The following RBFOX1 variants were observed in gnomAD, a reference collection of about 807,000 sequenced individuals.
RBFOX1 encodes the protein RNA binding protein fox-1 homolog 1.
RBFOX1 carries 8 observed loss-of-function variants against 57.7 expected under a neutral mutation model. The observed-to-expected ratio is 0.14, with a 90% CI of 0.08 to 0.25. The LOEUF is 0.25. RBFOX1 is among the 10% of genes least tolerant of loss of function. The probability of loss-of-function intolerance (pLI) is 1.00; values close to 1 mark genes in which losing one functional copy is unlikely to be tolerated. For missense variants in RBFOX1, 611 were observed against 548.5 expected, an observed-to-expected ratio of 1.11 and a Z score of -1.14; for synonymous variants, 326 against 222.4, an observed-to-expected ratio of 1.47 and a Z score of -4.15.
chr16:5,816,379 G>C (rs1371330991), intron 3 of RBFOX1, among the ~76,000 whole-genome samples: 1 of 152,154 alleles, frequency 6.6e-6, no homozygotes, highest in Non-Finnish European at 1.5e-5. Flanking sequence ...CCTCTCTACA[G>C]AAGTGACAAA....
chr16:6,478,748 T>C (rs557449801), intron 2 of RBFOX1, among the ~76,000 whole-genome samples: 4 of 152,116 alleles, frequency 2.6e-5, no homozygotes, highest in Admixed American at 2.6e-4. Flanking sequence ...GCAGGGGGAA[T>C]GGCCTGTCAG....
intron 4 of RBFOX1, among the ~76,000 whole-genome samples, chr16:7,318,476 C>T (rs536337764): frequency 6.6e-6 from 1 of 152,096 alleles, no homozygotes; most frequent in Non-Finnish European, 1.5e-5. Flanking sequence ...CTACCACTTA[C>T]CACCTTTGCA....
intron 4 of RBFOX1, among the ~76,000 whole-genome samples, chr16:7,168,284 T>G (rs932656296): frequency 2.0e-5 from 3 of 151,926 alleles, no homozygotes; most frequent in African/African-American, 7.2e-5. Context: ...TTTCTTCTTC[T>G]CAGCATGAAA....
At chr16:5,791,217 C>T in intron 3 of RBFOX1, among the ~76,000 whole-genome samples, 1 of 152,126 alleles carries the variant, frequency 6.6e-6, no homozygotes, top group East Asian at 1.9e-4. Flanking sequence ...TTAAATAGCA[C>T]ATACTTAAGT....
At chr16:6,393,602 C>T (rs906868059) in intron 2 of RBFOX1, among the ~76,000 whole-genome samples, 1 of 152,150 alleles carries the variant, frequency 6.6e-6, no homozygotes, top group African/African-American at 2.4e-5. Flanking sequence ...GGGTATCTCC[C>T]CTTTCTGAGA....
Position 5,349,776 on chromosome 16 carries a change from C to T in RBFOX1, c.219+109671C>T, listed in dbSNP as rs923153655. Among the ~76,000 whole-genome samples the T allele has an allele frequency of 3.3e-5, 5 of 152,194 alleles. No homozygotes were observed. The South Asian group carries it at 8.3e-4, about 25-fold the overall frequency. ...AAGCTGCTGCCATCCCTGCATTTGG[C>T]GGGGACCACAGGAGCCGGGCTGTGC... On this transcript the variant is annotated intron_variant, in intron 1 of 2. Transcript: ENST00000585867.
intron 1 of RBFOX1, among the ~76,000 whole-genome samples, chr16:6,213,364 G>A (rs1376819316): frequency 6.6e-6 from 1 of 151,978 alleles, no homozygotes; most frequent in Non-Finnish European, 1.5e-5. Flanking sequence ...GGCCTTCAGT[G>A]GGTAACAGAT....
chr16:6,753,152 TG>T (rs1340920262), intron 3 of RBFOX1, among the ~76,000 whole-genome samples: 1 of 152,180 alleles, frequency 6.6e-6, no homozygotes, highest in East Asian at 1.9e-4. Flanking sequence ...TAATGATGTG[TG>T]AAATTTACTT....
intron 4 of RBFOX1, among the ~76,000 whole-genome samples, chr16:7,470,922 A>T (rs1203198902): frequency 6.6e-6 from 1 of 151,752 alleles, no homozygotes; most frequent in Non-Finnish European, 1.5e-5. Flanking sequence ...TTTTTTTTTA[A>T]CCTAAAAATA....
intron 2 of RBFOX1, among the ~76,000 whole-genome samples, chr16:6,451,053 A>G (rs369379020): frequency 2.0e-5 from 3 of 150,466 alleles, no homozygotes; most frequent in Non-Finnish European, 4.4e-5. Flanking sequence ...CCACACCTCC[A>G]TATTTCTTCA....
In RBFOX1 at chr16:6,134,612, G is replaced by T. The variant is rs181239975; in HGVS notation, c.-127+114620G>T. 2.9e-3 allele frequency among the ~76,000 whole-genome samples: 443 copies of T among 152,146 alleles called. 3 individuals carry two copies. The highest frequency in any genetic ancestry group is 9.9e-3 in the African/African-American group (410 of 41,480). ...TATGGGCTGGGACAGGCAGTGAGGG[G>T]GTGAAGGAGACTAACCGTGAACTGT... On this transcript the variant is annotated intron_variant, in intron 1 of 15. Coordinates refer to ENST00000550418, the MANE Select transcript of RBFOX1 (RefSeq NM_018723.4).
At chr16:5,538,589 T>C (rs1423799261) in intron 2 of RBFOX1, among the ~76,000 whole-genome samples, 1 of 151,662 alleles carries the variant, frequency 6.6e-6, no homozygotes, top group Non-Finnish European at 1.5e-5. Flanking sequence ...CATAATGCTC[T>C]CTTCCTGGCC....
At chr16:6,204,804 T>C (rs2097242882) in intron 1 of RBFOX1, among the ~76,000 whole-genome samples, 2 of 152,142 alleles carry the variant, frequency 1.3e-5, no homozygotes. Flanking sequence ...ACGTTGTGTG[T>C]GTGTGCCTGC....
intron 4 of RBFOX1, among the ~76,000 whole-genome samples, chr16:7,123,127 C>G (rs1050788376): frequency 1.3e-5 from 2 of 151,938 alleles, no homozygotes; most frequent in Non-Finnish European, 2.9e-5. Flanking sequence ...ATTGCACAGC[C>G]GTTATAAGAA....
chr16:5,994,104 G>T (rs1424435325), intron 4 of RBFOX1, among the ~76,000 whole-genome samples: 2 of 152,164 alleles, frequency 1.3e-5, no homozygotes, highest in African/African-American at 4.8e-5. Flanking sequence ...GACTCTCTCT[G>T]TTCCTGTTTT....
Position 6,842,884 on chromosome 16 carries a change from A to C in RBFOX1, c.-16+188234A>C, listed in dbSNP as rs565663014. Among the ~76,000 whole-genome samples the C allele has an allele frequency of 2.0e-5, 3 of 151,926 alleles. No homozygotes were observed. The East Asian group carries it at 5.8e-4, about 30-fold the overall frequency. ...CCCCTCCCTGTGTCCATGTGTTCTC[A>C]TTGTTCAACTCCGACTTATGAGTGA... On this transcript the variant is annotated intron_variant, in intron 3 of 15. Transcript: ENST00000550418.
chr16:6,768,064 C>T lies in RBFOX1; in HGVS notation c.-16+113414C>T, dbSNP rs1719504905. The stretch of plus-strand genomic sequence containing the variant: ...TTGTGAAGGAGCTAGTGAATTTTCT[C>T]CCTTAGTTATTTAGCTGGAAATATG... On this transcript the variant is annotated intron_variant, in intron 3 of 15. Transcript: ENST00000550418. Among the ~76,000 whole-genome samples, 4 of 151,560 alleles carry T rather than the reference C, an allele frequency of 2.6e-5. No individual in the cohort carries two copies. The South Asian group carries it at 6.3e-4, about 24-fold the overall frequency.
chr16:5,346,423 TATG>T (rs1229452957), intron 1 of RBFOX1, among the ~76,000 whole-genome samples: 1 of 152,144 alleles, frequency 6.6e-6, no homozygotes, highest in African/African-American at 2.4e-5. Flanking sequence ...ACAGAGAAGT[TATG>T]ATGTTTGAAC....
At chr16:7,496,232 C>G (rs2068593397) in intron 4 of RBFOX1, among the ~76,000 whole-genome samples, 1 of 152,198 alleles carries the variant, frequency 6.6e-6, no homozygotes, top group Admixed American at 6.5e-5. Flanking sequence ...CAACCTCCAT[C>G]TCCCAGTTCA....
Sources: allele counts gnomAD v4.1 joint callset (sites outside exome capture counted in the v4.1 genomes callset), GRCh38; gene constraint gnomAD v4.1.1; transcripts MANE v1.5; gene names NCBI Gene and HGNC (gene_info 2026-07-23, HGNC 2026-07-21).